The following SLC1A2 variants were observed in gnomAD, a reference collection of about 807,000 sequenced individuals.
SLC1A2 encodes solute carrier family 1 member 2.
A neutral mutation model predicts 48.8 loss-of-function variants in SLC1A2; 15 were observed. That is an observed-to-expected ratio of 0.31 (90% confidence interval 0.21 to 0.47). The LOEUF (loss-of-function observed/expected upper bound fraction) is 0.47, where lower values mean the gene tolerates loss of function less well. Ranked by LOEUF, SLC1A2 falls within the 20% of genes least tolerant of loss-of-function variation. The probability of loss-of-function intolerance (pLI) is 0.99; values close to 1 mark genes in which losing one functional copy is unlikely to be tolerated. For synonymous variants in SLC1A2, 279 were observed against 272.6 expected, an observed-to-expected ratio of 1.02 and a Z score of -0.23; for missense variants, 502 against 730.5, an observed-to-expected ratio of 0.69 and a Z score of 3.61.
chr11:35,404,496 G>A (rs11826069), intron 1 of SLC1A2: 87,805 of 152,122 alleles, frequency 0.58, 25,708 homozygotes, highest in Middle Eastern at 0.69. Flanking sequence ...CCTCCAGAGA[G>A]CTGGTCCCCG....
At chr11:35,282,166 C>T (rs961456703) in intron 8 of SLC1A2, among the ~76,000 whole-genome samples, 6 of 152,092 alleles carry the variant, frequency 3.9e-5, no homozygotes, top group Non-Finnish European at 8.8e-5. Flanking sequence ...TAGACACTTG[C>T]CCTGGGTGTG....
At chr11:35,275,391 G>C (rs1306959705) in intron 9 of SLC1A2, among the ~76,000 whole-genome samples, 2 of 152,290 alleles carry the variant, frequency 1.3e-5, no homozygotes, top group East Asian at 1.9e-4. Flanking sequence ...TCCTGGTATT[G>C]GCTCCCATTT....
chr11:35,256,624 A>T lies in SLC1A2; in HGVS notation c.*4270T>A, dbSNP rs1169822935. ...ATTCCTTCAGGCTGTTTTTTTTTTA[A>T]CTTAGTCTTCTTCTGCCTCCAGACT... On this transcript the variant is annotated 3_prime_UTR_variant, in exon 11 of 11. Coordinates refer to ENST00000278379, the MANE Select transcript of SLC1A2 (RefSeq NM_004171.4). 5 of 151,912 alleles carry T rather than the reference A, an allele frequency of 3.3e-5. No homozygotes were observed. Among genetic ancestry groups the T allele is most frequent in the African/African-American group, 1.2e-4 (5 of 41,328 alleles). The allele number at this position is 151,912 out of a possible 1,614,324, so 9.4% of individuals were successfully genotyped here.
intron 5 of SLC1A2, among the ~76,000 whole-genome samples, chr11:35,305,793 C>T (rs1851482735): frequency 6.6e-6 from 1 of 152,178 alleles, no homozygotes; most frequent in Non-Finnish European, 1.5e-5. Context: ...GACTTTCTAA[C>T]ACCACACAGA....
intron 1 of SLC1A2, among the ~76,000 whole-genome samples, chr11:35,387,730 C>G (rs957704993): frequency 6.6e-6 from 1 of 151,812 alleles, no homozygotes; most frequent in African/African-American, 2.4e-5. Context: ...AGTCGGTAAG[C>G]CATTAAGCAT....
At chr11:35,299,228 AC>A (rs1256557669) in intron 6 of SLC1A2, 1 of 152,198 alleles carries the variant, frequency 6.6e-6, no homozygotes, top group Non-Finnish European at 1.5e-5. Flanking sequence ...AATCCCAGCT[AC>A]TTGGAAGGCT....
At chr11:35,397,687 G>A (rs1023803546) in intron 1 of SLC1A2, among the ~76,000 whole-genome samples, 1 of 152,078 alleles carries the variant, frequency 6.6e-6, no homozygotes, top group Non-Finnish European at 1.5e-5. Context: ...CAGGCAGGTG[G>A]AGCCCTCATG....
intron 1 of SLC1A2, among the ~76,000 whole-genome samples, chr11:35,330,479 G>C (rs1198131292): frequency 6.6e-6 from 1 of 152,214 alleles, no homozygotes; most frequent in Non-Finnish European, 1.5e-5. Context: ...CCAGTGATAG[G>C]TAGAGTAATG....
At chr11:35,282,543 T>C (rs1850675251) in intron 8 of SLC1A2, among the ~76,000 whole-genome samples, 1 of 152,006 alleles carries the variant, frequency 6.6e-6, no homozygotes, top group Admixed American at 6.6e-5. Flanking sequence ...ATTGTTTTTC[T>C]TATCAAGAAA....
chr11:35,270,846 A>G (rs549974455), intron 9 of SLC1A2, among the ~76,000 whole-genome samples: 3 of 152,366 alleles, frequency 2.0e-5, no homozygotes, highest in Non-Finnish European at 4.4e-5. Context: ...ATAGTGAGAG[A>G]CGCAGAAAGT....
chr11:35,348,717 C>T (rs1590214918), intron 1 of SLC1A2, among the ~76,000 whole-genome samples: 1 of 151,612 alleles, frequency 6.6e-6, no homozygotes, highest in East Asian at 1.9e-4. Flanking sequence ...CATGGTGAAA[C>T]CCTGTCTCTA....
At chr11:35,285,175 A>G (rs1850772955) in intron 8 of SLC1A2, among the ~76,000 whole-genome samples, 1 of 152,240 alleles carries the variant, frequency 6.6e-6, no homozygotes, top group Admixed American at 6.5e-5. Context: ...CACAGTCAGA[A>G]AGAAGAAATG....
chr11:35,407,984 C>G lies in SLC1A2; in HGVS notation c.17+10966G>C, dbSNP rs141511707. On this transcript the variant is annotated intron_variant, in intron 1 of 10. Transcript: ENST00000278379. ...TCTAACTGCCCAGTGAACATCTCTACTGATATTCCACTCGCCACAAATGCT... is the reference window on the plus strand; with the variant it reads ...TCTAACTGCCCAGTGAACATCTCTAGTGATATTCCACTCGCCACAAATGCT... 6.0e-4 allele frequency among the ~76,000 whole-genome samples: 92 copies of G among 152,356 alleles called. No homozygotes were observed. The East Asian group carries it at 0.013, about 22-fold the overall frequency.
intron 6 of SLC1A2, chr11:35,297,682 A>T (rs1851215398): frequency 6.6e-6 from 1 of 152,234 alleles, no homozygotes; most frequent in Admixed American, 6.5e-5. Context: ...TAAGAAAATG[A>T]GGATACGAAA....
chr11:35,341,254 C>T (rs1013838841), intron 1 of SLC1A2, among the ~76,000 whole-genome samples: 1 of 152,010 alleles, frequency 6.6e-6, no homozygotes, highest in Non-Finnish European at 1.5e-5. Context: ...GTGGGGGTAA[C>T]GAGACTTAAG....
chr11:35,383,499 G>T lies in SLC1A2; in HGVS notation c.17+35451C>A, dbSNP rs1266179034. On this transcript the variant is annotated intron_variant, in intron 1 of 10. Transcript: ENST00000278379. ...GCCCAACTCTGGAGCTGACTGCTTAGGTTTGGATTCTGGTTCTGCTCCTCA... is the reference window on the plus strand; with the variant it reads ...GCCCAACTCTGGAGCTGACTGCTTATGTTTGGATTCTGGTTCTGCTCCTCA... 2.6e-5 allele frequency among the ~76,000 whole-genome samples: 4 copies of T among 152,334 alleles called. No individual in the cohort carries two copies. The South Asian group carries it at 8.3e-4, about 32-fold the overall frequency.
At chr11:35,386,022 C>T (rs1361892426) in intron 1 of SLC1A2, among the ~76,000 whole-genome samples, 4 of 152,022 alleles carry the variant, frequency 2.6e-5, no homozygotes, top group South Asian at 2.1e-4. Context: ...AAAAATTAGC[C>T]GGGCATGGTG....
At chr11:35,311,302 G>T (rs540351906) in intron 4 of SLC1A2, among the ~76,000 whole-genome samples, 119 of 152,290 alleles carry the variant, frequency 7.8e-4, no homozygotes, top group African/African-American at 2.7e-3. Flanking sequence ...TGGGATTACA[G>T]GCATGCGCCA....
chr11:35,396,813 A>G (rs1854976744), intron 1 of SLC1A2, among the ~76,000 whole-genome samples: 1 of 152,162 alleles, frequency 6.6e-6, no homozygotes. Context: ...TTAAGCTGAT[A>G]AGCAACTTCA....
Sources: gnomAD v4.1 joint callset for allele counts (sites outside exome capture counted in the v4.1 genomes callset) on GRCh38, gnomAD v4.1.1 for gene constraint, MANE v1.5 for transcripts, NCBI Gene and HGNC (gene_info 2026-07-23, HGNC 2026-07-21) for gene names.